FSTL4: variants seen among roughly 807,000 people sequenced by gnomAD.
The protein encoded by FSTL4 is follistatin like 4, also known as follistatin-related protein 4.
Under a neutral mutation model 78.2 loss-of-function variants are expected in FSTL4, and 28 were observed. The ratio of observed to expected loss-of-function variants is 0.36; its 90% confidence interval spans 0.27 to 0.49. The LOEUF (loss-of-function observed/expected upper bound fraction) is 0.49. Among genes scored for constraint, FSTL4 ranks in the 20% least tolerant of loss-of-function variants. The pLI, the probability that FSTL4 is intolerant of heterozygous loss-of-function variation, is 0.98. For missense variants in FSTL4, 922 were observed against 1,084.9 expected (o/e 0.85, Z 2.11); for synonymous variants, 422 against 440.5 (o/e 0.96, Z 0.53).
chr5:133,577,000 T>C (rs533189608), intron 2 of FSTL4, among the ~76,000 whole-genome samples: 2 of 152,334 alleles, frequency 1.3e-5, no homozygotes, highest in East Asian at 1.9e-4. Context: ...CTAAATAAAG[T>C]GGCGCCTTAT....
At chr5:133,245,818 A>G (rs974522702) in intron 7 of FSTL4, among the ~76,000 whole-genome samples, 1 of 152,136 alleles carries the variant, frequency 6.6e-6, no homozygotes, top group Non-Finnish European at 1.5e-5. Flanking sequence ...TCCAGGCGAG[A>G]GGGGTACATT....
intron 4 of FSTL4, among the ~76,000 whole-genome samples, chr5:133,396,372 C>G (rs1756047105): frequency 1.3e-5 from 2 of 152,212 alleles, no homozygotes. Flanking sequence ...AGCTCACGTG[C>G]CAAAGCAGTG....
At chr5:133,397,636 C>G (rs1756095047) in intron 4 of FSTL4, among the ~76,000 whole-genome samples, 1 of 152,118 alleles carries the variant, frequency 6.6e-6, no homozygotes, top group Admixed American at 6.5e-5. Flanking sequence ...CTCAGGAGAA[C>G]CCCCTCCCTG....
chr5:133,736,337 A>T, the FSTL4 span, among the ~76,000 whole-genome samples: 1 of 152,172 alleles, frequency 6.6e-6, no homozygotes, highest in Non-Finnish European at 1.5e-5. Context: ...TTCATGCACA[A>T]CCCACTCCCA....
intron 6 of FSTL4, among the ~76,000 whole-genome samples, chr5:133,310,723 T>G (rs1203326356): frequency 1.3e-5 from 2 of 152,258 alleles, no homozygotes; most frequent in East Asian, 3.8e-4. Context: ...AAAAATGCAC[T>G]GAGCTTTTCC....
the FSTL4 span, among the ~76,000 whole-genome samples, chr5:133,702,256 C>G: frequency 6.6e-6 from 1 of 152,160 alleles, no homozygotes; most frequent in African/African-American, 2.4e-5. Flanking sequence ...ATCTGTCCAC[C>G]AATAGCCAAC....
chr5:133,671,646 C>T, the FSTL4 span, among the ~76,000 whole-genome samples: 2 of 152,238 alleles, frequency 1.3e-5, no homozygotes, highest in East Asian at 3.8e-4. Flanking sequence ...CACTCTACTG[C>T]TGTGTCCGGT....
chr5:133,368,417 C>T (rs1366398973), intron 4 of FSTL4, among the ~76,000 whole-genome samples: 1 of 152,252 alleles, frequency 6.6e-6, no homozygotes, highest in Non-Finnish European at 1.5e-5. Flanking sequence ...GCTTGGAACT[C>T]TTCTGGGCCC....
At position 133,482,070 on chromosome 5, in the gene FSTL4, C is replaced by T. The variant is rs1399087721; in HGVS notation, c.161-81084G>A. ...GCGATGTCTGCCTGCAGATGCAGTG[C>T]CAGTTTCACTAACAGCTAATGCAAA... On this transcript the variant is annotated intron_variant, in intron 3 of 15. Transcript: ENST00000265342. Among the ~76,000 whole-genome samples the T allele has an allele frequency of 6.6e-5, 10 of 152,328 alleles. No individual in the cohort carries two copies. The South Asian group carries it at 2.1e-3, about 32-fold the overall frequency.
the FSTL4 span, among the ~76,000 whole-genome samples, chr5:133,695,007 T>C: frequency 0.34 from 52,370 of 152,032 alleles, 9,778 homozygotes; most frequent in African/African-American, 0.49. Flanking sequence ...CAGTCCATAA[T>C]GCCTTGTTTT....
At chr5:133,331,477 C>T (rs776915243) in intron 4 of FSTL4, among the ~76,000 whole-genome samples, 2 of 152,166 alleles carry the variant, frequency 1.3e-5, no homozygotes, top group Non-Finnish European at 2.9e-5. Context: ...TAACACATTC[C>T]ACATTCACCT....
chr5:133,240,893 G>A (rs1189295921), intron 7 of FSTL4, among the ~76,000 whole-genome samples: 1 of 152,152 alleles, frequency 6.6e-6, no homozygotes, highest in Non-Finnish European at 1.5e-5. Context: ...CTACAGGGAG[G>A]CAATCTCTAG....
chr5:133,248,704 G>A (rs1361720328), intron 7 of FSTL4: 1 of 152,230 alleles, frequency 6.6e-6, no homozygotes, highest in African/African-American at 2.4e-5. Context: ...AGGCTGCCTG[G>A]TTCCTCAGGG....
chr5:133,582,003 C>T (rs750883289), intron 2 of FSTL4, among the ~76,000 whole-genome samples: 2 of 152,158 alleles, frequency 1.3e-5, no homozygotes, highest in Non-Finnish European at 2.9e-5. Flanking sequence ...GAAGGGTGTC[C>T]CTTCGTAACA....
intron 3 of FSTL4, among the ~76,000 whole-genome samples, chr5:133,408,350 G>A (rs919512038): frequency 1.3e-5 from 2 of 152,064 alleles, no homozygotes; most frequent in Non-Finnish European, 2.9e-5. Context: ...TCTTCTGCCT[G>A]GGGCATCTTC....
intron 4 of FSTL4, among the ~76,000 whole-genome samples, chr5:133,390,916 C>T (rs1459984712): frequency 4.6e-5 from 7 of 152,114 alleles, no homozygotes; most frequent in Non-Finnish European, 8.8e-5. Flanking sequence ...AGGGCTGGGG[C>T]GAGGGAGGGA....
At chr5:133,631,929 A>G in the FSTL4 span, among the ~76,000 whole-genome samples, 1 of 152,096 alleles carries the variant, frequency 6.6e-6, no homozygotes, top group Admixed American at 6.5e-5. Context: ...GTTCTCACTC[A>G]TAAGTGGGAG....
intron 7 of FSTL4, among the ~76,000 whole-genome samples, chr5:133,242,490 G>A (rs909611779): frequency 3.9e-5 from 6 of 152,112 alleles, no homozygotes; most frequent in African/African-American, 1.4e-4. Context: ...AGATGGGGCC[G>A]GAAGTGGTCA....
the FSTL4 span, among the ~76,000 whole-genome samples, chr5:133,811,768 C>T: frequency 2.0e-5 from 3 of 152,198 alleles, no homozygotes; most frequent in Non-Finnish European, 4.4e-5. Flanking sequence ...CCCTCACACC[C>T]CTGGGGAGCC....
Sources: gnomAD v4.1 joint callset for allele counts (sites outside exome capture counted in the v4.1 genomes callset) on GRCh38, gnomAD v4.1.1 for gene constraint, MANE v1.5 for transcripts, NCBI Gene and HGNC (gene_info 2026-07-23, HGNC 2026-07-21) for gene names.